Variants in NXPE2 observed in about 807,000 individuals in gnomAD.
NXPE2 encodes neurexophilin and PC-esterase domain family member 2.
Under a neutral mutation model 34.4 loss-of-function variants are expected in NXPE2, and 34 were observed. That is an observed-to-expected ratio of 0.99 (90% CI 0.75 to 1.31). NXPE2 has a LOEUF of 1.31. NXPE2 is among the 40% of genes most tolerant of loss of function. NXPE2 has a pLI of 0.00. For missense variants in NXPE2, 649 were observed against 672.5 expected (o/e 0.97, Z 0.39); for synonymous variants, 235 against 231.3 (o/e 1.02, Z -0.15).
chr11:114,555,504 C>T, the NXPE2 span, among the ~76,000 whole-genome samples: 3 of 152,166 alleles, frequency 2.0e-5, no homozygotes, highest in Admixed American at 6.5e-5. Context: ...GGATTACAGG[C>T]GTGAGCCACC....
chr11:114,477,659 A>T, the NXPE2 span, among the ~76,000 whole-genome samples: 5 of 152,182 alleles, frequency 3.3e-5, no homozygotes, highest in African/African-American at 1.2e-4. Flanking sequence ...ATGTGCAGCA[A>T]TATGGGTGAA....
At chr11:114,611,162 A>T in the NXPE2 span, among the ~76,000 whole-genome samples, 1 of 151,184 alleles carries the variant, frequency 6.6e-6, no homozygotes, top group Admixed American at 6.6e-5. Context: ...GAGGATAATA[A>T]GGACTGTCTC....
the NXPE2 span, chr11:114,522,815 G>C: frequency 8.7e-7 from 1 of 1,148,928 alleles, no homozygotes; most frequent in Admixed American, 1.8e-5. Context: ...AGAGAATAGA[G>C]ACCTCATTAA....
At chr11:114,658,905 C>T in the NXPE2 span, among the ~76,000 whole-genome samples, 1 of 152,162 alleles carries the variant, frequency 6.6e-6, no homozygotes. Context: ...TAGAAAGCAA[C>T]AGCAATCTAC....
the NXPE2 span, among the ~76,000 whole-genome samples, chr11:114,743,199 T>C: frequency 1.6e-5 from 2 of 122,494 alleles, no homozygotes; most frequent in East Asian, 2.2e-4. Context: ...AGATTCAACA[T>C]TGAGTTCAGG....
chr11:114,795,112 A>C, the NXPE2 span, among the ~76,000 whole-genome samples: 1 of 152,168 alleles, frequency 6.6e-6, no homozygotes, highest in African/African-American at 2.4e-5. Flanking sequence ...TTTTTGCCCT[A>C]AGGTAGGAGA....
the NXPE2 span, among the ~76,000 whole-genome samples, chr11:114,742,020 G>C: frequency 5.9e-5 from 9 of 151,978 alleles, no homozygotes; most frequent in Non-Finnish European, 1.0e-4. Flanking sequence ...TTTTTTCTGT[G>C]GACATGCCCA....
chr11:114,536,140 C>T, the NXPE2 span, among the ~76,000 whole-genome samples: 14 of 151,354 alleles, frequency 9.2e-5, no homozygotes, highest in Non-Finnish European at 1.6e-4. Context: ...ACTCAAAACC[C>T]CTCAACTACA....
At chr11:114,725,539 C>T in the NXPE2 span, among the ~76,000 whole-genome samples, 1 of 151,826 alleles carries the variant, frequency 6.6e-6, no homozygotes, top group Non-Finnish European at 1.5e-5. Context: ...ACTAGACAAT[C>T]CATAGCCCCT....
At chr11:114,611,666 C>T in the NXPE2 span, among the ~76,000 whole-genome samples, 3 of 134,434 alleles carry the variant, frequency 2.2e-5, no homozygotes, top group South Asian at 2.4e-4. Context: ...GTGGATAATA[C>T]GTGTTGCCTC....
chr11:114,574,700 G>T, the NXPE2 span, among the ~76,000 whole-genome samples: 233 of 152,018 alleles, frequency 1.5e-3, no homozygotes, highest in African/African-American at 5.4e-3. Context: ...TGAAATGATA[G>T]TTAAAAAATT....
At chr11:114,756,666 A>G in the NXPE2 span, among the ~76,000 whole-genome samples, 1 of 152,180 alleles carries the variant, frequency 6.6e-6, no homozygotes. Context: ...AGTTTTATAC[A>G]GGGAGATAAC....
the NXPE2 span, among the ~76,000 whole-genome samples, chr11:114,641,054 A>T: frequency 2.0e-5 from 3 of 146,524 alleles, no homozygotes; most frequent in Non-Finnish European, 2.9e-5. Flanking sequence ...AGACATCAGA[A>T]AGAAGAACCA....
At chr11:114,530,281 A>C in the NXPE2 span, 13 of 1,614,224 alleles carry the variant, frequency 8.1e-6, no homozygotes, top group Non-Finnish European at 1.0e-5. Flanking sequence ...TTCATACAAT[A>C]GAAGGCTTCT....
chr11:114,674,752 A>C (rs1950838846), upstream of NXPE2, among the ~76,000 whole-genome samples: 1 of 151,832 alleles, frequency 6.6e-6, no homozygotes, highest in Non-Finnish European at 1.5e-5. Context: ...AACTCTTCCC[A>C]AACTCTTCCA....
chr11:114,684,486 A>G lies in NXPE2; in HGVS notation c.132+4724A>G, dbSNP rs142476611. Among the ~76,000 whole-genome samples, 1,097 of 152,292 alleles carry G rather than the reference A, an allele frequency of 7.2e-3. 4 individuals carry two copies. The highest frequency in any genetic ancestry group is 0.011 in the Non-Finnish European group (749 of 68,020). ...AACATCGGAATACAAATGGCAGCTG[A>G]AGTCATTGTAGTCTGTGACATTTCC... On this transcript the variant is annotated intron_variant, in intron 2 of 5. Coordinates refer to ENST00000389586, the MANE Select transcript of NXPE2 (RefSeq NM_182495.6).
the NXPE2 span, among the ~76,000 whole-genome samples, chr11:114,626,232 CA>C: frequency 1.3e-5 from 2 of 152,188 alleles, no homozygotes; most frequent in Non-Finnish European, 2.9e-5. Flanking sequence ...AGGGCACAGA[CA>C]AACAAAAAGA....
chr11:114,660,808 T>A, the NXPE2 span, among the ~76,000 whole-genome samples: 1 of 152,252 alleles, frequency 6.6e-6, no homozygotes, highest in East Asian at 1.9e-4. Flanking sequence ...TACAACTACA[T>A]ATTTTCACAG....
the NXPE2 span, chr11:114,571,614 GT>G: frequency 1.2e-6 from 1 of 812,828 alleles, no homozygotes; most frequent in Non-Finnish European, 1.9e-6. Flanking sequence ...ATGAGGGGAT[GT>G]TTTTGAAAAT....
Sources: gnomAD v4.1 joint callset for allele counts (sites outside exome capture counted in the v4.1 genomes callset) on GRCh38, gnomAD v4.1.1 for gene constraint, MANE v1.5 for transcripts, NCBI Gene and HGNC (gene_info 2026-07-23, HGNC 2026-07-21) for gene names.